Variants in CHLSN observed in about 807,000 individuals in gnomAD.
CHLSN encodes the protein protein cholesin.
chr7:1,109,847 A>C, the CHLSN span, among the ~76,000 whole-genome samples: 6 of 152,174 alleles, frequency 3.9e-5, no homozygotes, highest in African/African-American at 2.4e-5. Flanking sequence ...TCCAGATGCC[A>C]GCAAAGACAT....
the CHLSN span, among the ~76,000 whole-genome samples, chr7:1,106,708 G>A: frequency 8.5e-5 from 13 of 152,340 alleles, no homozygotes; most frequent in African/African-American, 2.2e-4. Flanking sequence ...TGTGGGGTGC[G>A]GCCAGAAAAG....
the CHLSN span, among the ~76,000 whole-genome samples, chr7:1,011,475 ACCCAGACACACC>A: frequency 1.4e-5 from 2 of 143,264 alleles, no homozygotes; most frequent in Admixed American, 6.9e-5. Context: ...ACACACCCAC[ACCCAGACACACC>A]TTCACACGCC....
the CHLSN span, among the ~76,000 whole-genome samples, chr7:1,106,337 C>T: frequency 0.042 from 6,331 of 152,236 alleles, 333 homozygotes; most frequent in African/African-American, 0.12. Context: ...CCAGCCAGAG[C>T]GAAACCCCAG....
At chr7:1,052,162 G>A in the CHLSN span, among the ~76,000 whole-genome samples, 3 of 152,218 alleles carry the variant, frequency 2.0e-5, no homozygotes, top group Non-Finnish European at 2.9e-5. This position sits in a 1 kb window ranked among gnomAD's most constrained non-coding sequence, Gnocchi z 4.2. Context: ...CTCCTGGCCC[G>A]AGATGCTGTC....
the CHLSN span, chr7:1,091,927 A>G: frequency 3.1e-6 from 5 of 1,613,836 alleles, no homozygotes; most frequent in African/African-American, 5.3e-5. Flanking sequence ...CCTCTACACC[A>G]TCTTCCTCTT....
chr7:1,101,127 G>C, the CHLSN span, among the ~76,000 whole-genome samples: 2 of 152,244 alleles, frequency 1.3e-5, no homozygotes, highest in African/African-American at 4.8e-5. Context: ...GAGGGCAGGC[G>C]TGTACGTGCG....
At chr7:1,009,275 G>A in the CHLSN span, among the ~76,000 whole-genome samples, 2 of 152,280 alleles carry the variant, frequency 1.3e-5, no homozygotes, top group South Asian at 2.1e-4. Context: ...TGTCTCTGAG[G>A]AAGCCAGCCA....
At chr7:1,039,434 C>T in the CHLSN span, among the ~76,000 whole-genome samples, 9 of 88,512 alleles carry the variant, frequency 1.0e-4, no homozygotes, top group South Asian at 3.6e-4. Context: ...GTCAGCCCCC[C>T]CGCCCGGCCA....
chr7:1,089,567 C>T, the CHLSN span, among the ~76,000 whole-genome samples: 1 of 152,236 alleles, frequency 6.6e-6, no homozygotes, highest in South Asian at 2.1e-4. Context: ...TACAGGCGCA[C>T]ACCACTATGC....
chr7:993,786 G>C, the CHLSN span, among the ~76,000 whole-genome samples: 5 of 152,056 alleles, frequency 3.3e-5, no homozygotes, highest in Non-Finnish European at 7.4e-5. Context: ...CTAAAAAGAT[G>C]CCACTCTCTT....
the CHLSN span, among the ~76,000 whole-genome samples, chr7:1,019,928 A>C: frequency 6.6e-6 from 1 of 152,340 alleles, no homozygotes; most frequent in Middle Eastern, 3.4e-3. Flanking sequence ...GCCAAGCTAC[A>C]GTGCGTTTCC....
chr7:1,039,972 CAGCATGCTCGTTAAG>C, the CHLSN span, among the ~76,000 whole-genome samples: 2 of 101,808 alleles, frequency 2.0e-5, no homozygotes, highest in Non-Finnish European at 4.1e-5. Flanking sequence ...TGCTTGAAGG[CAGCATGCTCGTTAAG>C]AGTCATCACC....
chr7:1,092,941 T>A, the CHLSN span: 1 of 1,284,852 alleles, frequency 7.8e-7, no homozygotes, highest in South Asian at 1.3e-5. Context: ...CCACGTCATG[T>A]CTCTAAACTG....
At chr7:1,005,223 A>G in the CHLSN span, among the ~76,000 whole-genome samples, 68 of 152,300 alleles carry the variant, frequency 4.5e-4, no homozygotes, top group South Asian at 1.7e-3. Flanking sequence ...CCTGGGAAGC[A>G]GAGGTTGCAG....
chr7:985,401 G>C, the CHLSN span: 1 of 1,460,120 alleles, frequency 6.8e-7, no homozygotes, highest in South Asian at 1.3e-5. Flanking sequence ...GGGGGCCCCA[G>C]TGCTGTCCCC....
At chr7:1,070,649 GCA>G in the CHLSN span, among the ~76,000 whole-genome samples, 10 of 139,836 alleles carry the variant, frequency 7.2e-5, no homozygotes, top group South Asian at 2.3e-4. Context: ...GGACACACAT[GCA>G]CACACATGCA....
the CHLSN span, chr7:986,837 G>T: frequency 1.4e-6 from 2 of 1,475,928 alleles, no homozygotes; most frequent in African/African-American, 2.8e-5. Flanking sequence ...GCCTGTAGGG[G>T]TCCTGAGGGA....
At chr7:1,009,093 G>A in the CHLSN span, among the ~76,000 whole-genome samples, 3 of 151,984 alleles carry the variant, frequency 2.0e-5, no homozygotes, top group Non-Finnish European at 4.4e-5. Flanking sequence ...CGCAGGCCCC[G>A]CTGCTCATTC....
chr7:996,770 C>A, the CHLSN span, among the ~76,000 whole-genome samples: 1 of 152,226 alleles, frequency 6.6e-6, no homozygotes, highest in Non-Finnish European at 1.5e-5. Context: ...TGATTCTGTG[C>A]GGCCTAAGTG....
Sources: gnomAD v4.1 joint callset for allele counts (sites outside exome capture counted in the v4.1 genomes callset) on GRCh38, gnomAD v4.1.1 for gene constraint, Gnocchi (gnomAD v3.1) non-coding constraint, MANE v1.5 for transcripts, NCBI Gene and HGNC (gene_info 2026-07-23, HGNC 2026-07-21) for gene names.